FBXL7: variants seen among roughly 807,000 people sequenced by gnomAD.
The protein encoded by FBXL7 is F-box/LRR-repeat protein 7.
Under a neutral mutation model 38.3 loss-of-function variants are expected in FBXL7, and 12 were observed. That is an observed-to-expected ratio of 0.31 (90% confidence interval 0.20 to 0.51). The LOEUF (loss-of-function observed/expected upper bound fraction) is 0.51, where lower values mean the gene tolerates loss of function less well. Among genes scored for constraint, FBXL7 ranks in the 20% least tolerant of loss-of-function variants. FBXL7 has a pLI of 0.98. For missense variants in FBXL7, 567 were observed against 676.4 expected, an observed-to-expected ratio of 0.84 and a Z score of 1.79; for synonymous variants, 297 against 300.9, an observed-to-expected ratio of 0.99 and a Z score of 0.13.
intron 2 of FBXL7, among the ~76,000 whole-genome samples, chr5:15,685,525 G>T (rs1045290810): frequency 6.6e-6 from 1 of 152,168 alleles, no homozygotes; most frequent in African/African-American, 2.4e-5. Context: ...ATGTGAAAAA[G>T]AAATATGTGT....
chr5:15,656,633 T>C (rs1376864447), intron 2 of FBXL7, among the ~76,000 whole-genome samples: 1 of 152,052 alleles, frequency 6.6e-6, no homozygotes, highest in African/African-American at 2.4e-5. Flanking sequence ...ATTCAAGATA[T>C]GATTTGGGTG....
intron 2 of FBXL7, among the ~76,000 whole-genome samples, chr5:15,856,616 C>T (rs1335504301): frequency 6.6e-6 from 1 of 151,924 alleles, no homozygotes; most frequent in Non-Finnish European, 1.5e-5. Flanking sequence ...ATCAATAAAT[C>T]CACTCCAGAT....
At position 15,563,385 on chromosome 5, in the gene FBXL7, ACTTTC is replaced by A. The variant is rs60390964; in HGVS notation, c.38-52593_38-52589del. 6.6e-4 allele frequency among the ~76,000 whole-genome samples: 100 copies of A among 152,220 alleles called. 1 individual carries two copies. Among genetic ancestry groups the A allele is most frequent in the African/African-American group, 2.3e-3 (96 of 41,550 alleles). Reference sequence around the variant, plus strand: ...ACCTTGCATGGAAAGCAGAGACCAGACTTTCCTTTATTTTCTGTGCGAAAGTTCTC... The same window carrying A: ...ACCTTGCATGGAAAGCAGAGACCAGACTTTATTTTCTGTGCGAAAGTTCTC... On this transcript the variant is annotated intron_variant, in intron 1 of 3. Transcript: ENST00000504595.
At chr5:15,799,621 C>T (rs556667424) in intron 2 of FBXL7, among the ~76,000 whole-genome samples, 7 of 152,232 alleles carry the variant, frequency 4.6e-5, no homozygotes, top group East Asian at 3.9e-4. Flanking sequence ...CTCGGCCTCC[C>T]GAAGTGCTAG....
At chr5:15,860,458 T>A (rs1364706013) in intron 2 of FBXL7, among the ~76,000 whole-genome samples, 1 of 152,194 alleles carries the variant, frequency 6.6e-6, no homozygotes, top group Non-Finnish European at 1.5e-5. Flanking sequence ...CAATAAGGAA[T>A]TCTGATCCAA....
rs560768763 is a variant in FBXL7, at chr5:15,727,709, G to T, written c.127+111637G>T. On this transcript the variant is annotated intron_variant, in intron 2 of 3. Transcript: ENST00000504595. ...GAATCTTGGTATGGGTCACTTTGAG[G>T]TTACATTATTTGGAGTTCTTTGAGG... is the stretch of plus-strand genomic sequence containing the variant. Among the ~76,000 whole-genome samples, 5 of 152,154 alleles carry T rather than the reference G, an allele frequency of 3.3e-5. No homozygotes were observed. In the South Asian group the frequency reaches 1.0e-3, roughly 32 times the overall value.
intron 3 of FBXL7, among the ~76,000 whole-genome samples, chr5:15,932,914 C>T (rs902814935): frequency 1.3e-5 from 2 of 152,126 alleles, no homozygotes; most frequent in African/African-American, 4.8e-5. Context: ...TATGATACAT[C>T]ATAGTCACTT....
chr5:15,835,678 T>C (rs1396970141), intron 2 of FBXL7, among the ~76,000 whole-genome samples: 1 of 152,184 alleles, frequency 6.6e-6, no homozygotes, highest in African/African-American at 2.4e-5. Flanking sequence ...GATGCAGGTC[T>C]GACTCTAAAG....
intron 2 of FBXL7, among the ~76,000 whole-genome samples, chr5:15,868,102 CA>C (rs35879964): frequency 0.17 from 10,287 of 59,930 alleles, 280 homozygotes; most frequent in African/African-American, 0.24. Flanking sequence ...GACTCCGTCT[CA>C]AAAAAAAAAA....
intron 2 of FBXL7, among the ~76,000 whole-genome samples, chr5:15,803,535 A>G (rs762510230): frequency 5.6e-4 from 75 of 132,888 alleles, no homozygotes; most frequent in Non-Finnish European, 1.0e-3. Context: ...TTCTCCCCCC[A>G]TCCTTCCTCT....
At chr5:15,682,397 G>A (rs548599242) in intron 2 of FBXL7, among the ~76,000 whole-genome samples, 1 of 152,228 alleles carries the variant, frequency 6.6e-6, no homozygotes, top group South Asian at 2.1e-4. Flanking sequence ...AGGAAAACAG[G>A]TTGGGTGAAC....
intron 2 of FBXL7, among the ~76,000 whole-genome samples, chr5:15,726,968 C>A (rs1735420575): frequency 6.6e-6 from 1 of 151,546 alleles, no homozygotes; most frequent in Admixed American, 6.6e-5. Context: ...TGTTTACTTT[C>A]TGTCATATCC....
intron 2 of FBXL7, among the ~76,000 whole-genome samples, chr5:15,925,674 G>A (rs746417856): frequency 2.6e-5 from 4 of 152,114 alleles, no homozygotes; most frequent in Non-Finnish European, 5.9e-5. Context: ...AATTAGAGCT[G>A]GAAATGACTT....
chr5:15,850,233 A>G (rs1431750015), intron 2 of FBXL7, among the ~76,000 whole-genome samples: 2 of 152,226 alleles, frequency 1.3e-5, no homozygotes, highest in Non-Finnish European at 2.9e-5. Context: ...ACAATAGGAA[A>G]ACATTCCGTT....
intron 1 of FBXL7, among the ~76,000 whole-genome samples, chr5:15,544,984 GAGAA>G (rs769652669): frequency 6.6e-6 from 1 of 152,184 alleles, no homozygotes; most frequent in Non-Finnish European, 1.5e-5. Context: ...TGTATACACA[GAGAA>G]AGAAAGAAAT....
At chr5:15,620,173 C>T (rs536188728) in intron 2 of FBXL7, among the ~76,000 whole-genome samples, 1 of 151,762 alleles carries the variant, frequency 6.6e-6, no homozygotes, top group Non-Finnish European at 1.5e-5. Flanking sequence ...GGGGCAGCTA[C>T]CACTTCTGCA....
At chr5:15,655,366 C>A (rs576832050) in intron 2 of FBXL7, among the ~76,000 whole-genome samples, 1 of 151,908 alleles carries the variant, frequency 6.6e-6, no homozygotes, top group South Asian at 2.1e-4. Context: ...CATGGTGGCA[C>A]ACACTTGTAG....
chr5:15,739,531 A>G (rs1334301317), intron 2 of FBXL7, among the ~76,000 whole-genome samples: 2 of 152,096 alleles, frequency 1.3e-5, no homozygotes, highest in African/African-American at 2.4e-5. Flanking sequence ...CACACCCATT[A>G]GTATTTATTC....
chr5:15,543,379 A>G (rs78042579), intron 1 of FBXL7, among the ~76,000 whole-genome samples: 1,923 of 152,276 alleles, frequency 0.013, 39 homozygotes, highest in African/African-American at 0.043. Flanking sequence ...CCATGATTCA[A>G]TTGTGTCCAC....
Sources: gnomAD v4.1 joint callset for allele counts (sites outside exome capture counted in the v4.1 genomes callset) on GRCh38, gnomAD v4.1.1 for gene constraint, MANE v1.5 for transcripts, NCBI Gene and HGNC (gene_info 2026-07-23, HGNC 2026-07-21) for gene names.